Variants in BRCA1 observed in about 807,000 individuals in gnomAD.
BRCA1 encodes BRCA1 DNA repair associated, also known as breast cancer type 1 susceptibility protein.
A neutral mutation model predicts 173.7 loss-of-function variants in BRCA1; 140 were observed. That is an observed-to-expected ratio of 0.81 (90% CI 0.70 to 0.93). The LOEUF (loss-of-function observed/expected upper bound fraction) is 0.93, where lower values mean the gene tolerates loss of function less well. Ranked by LOEUF, BRCA1 falls within the 40% of genes least tolerant of loss-of-function variation. BRCA1 has a pLI of 0.00. For missense variants in BRCA1, 1,983 were observed against 2,172.5 expected (o/e 0.91, Z 1.73); for synonymous variants, 662 against 756.0 (o/e 0.88, Z 2.04).
intron 19 of BRCA1, among the ~76,000 whole-genome samples, chr17:43,053,124 C>A (rs1253814378): frequency 6.6e-6 from 1 of 152,070 alleles, no homozygotes; most frequent in Non-Finnish European, 1.5e-5. Flanking sequence ...GATCCACCCG[C>A]CTCAGGCTCC....
chr17:43,161,179 T>C (rs1202189292), intron 1 of BRCA1: 2 of 152,234 alleles, frequency 1.3e-5, no homozygotes, highest in African/African-American at 4.8e-5. Flanking sequence ...ATAGATAGCA[T>C]TTCTCATCTG....
chr17:43,095,794 A>ATCTACCCACTCTCTTTTCAGTGCCTG, intron 9 of BRCA1, 52 bp downstream of exon 9: 1 of 1,418,340 alleles, frequency 7.1e-7, no homozygotes, highest in Non-Finnish European at 9.9e-7. Flanking sequence ...ACAGTACTGT[A>ATCTACCCACTCTCTTTTCAGTGCCTG]TCTACCCACT....
chr17:43,095,787 G>A (rs2154513042), intron 9 of BRCA1, 59 bp downstream of exon 9: 4 of 1,355,366 alleles, frequency 3.0e-6, no homozygotes, highest in African/African-American at 1.4e-5. Context: ...TCTAATTACA[G>A]TACTGTATCT....
intron 11 of BRCA1, among the ~76,000 whole-genome samples, chr17:43,086,109 T>TAC (rs376686434): frequency 0.068 from 9,407 of 137,366 alleles, 343 homozygotes; most frequent in African/African-American, 0.11. Context: ...ATCACATACA[T>TAC]ACACACACAC....
intron 3 of BRCA1, among the ~76,000 whole-genome samples, chr17:43,113,602 C>T (rs1567816611): frequency 6.6e-6 from 1 of 151,736 alleles, no homozygotes; most frequent in East Asian, 2.0e-4. Context: ...TTCCTGACCT[C>T]GTGATCCGCC....
In BRCA1 at chr17:43,092,415, GC is replaced by G. The variant is rs886040098; in HGVS notation, c.3115del (p.Ala1039ProfsTer9). 6.2e-7 allele frequency: 1 copy of G among 1,613,746 alleles called. No homozygotes were observed. The highest frequency in any genetic ancestry group is 8.5e-7 in the Non-Finnish European group (1 of 1,179,954). Reference sequence around the variant, plus strand: ...TACTTCATTAATATTGCTTGAGCTGGCTTCTTTAAAAACATTTTCTCTAATG... The same window carrying G: ...TACTTCATTAATATTGCTTGAGCTGGTTCTTTAAAAACATTTTCTCTAATG... ...NNIRENVFKEASSSNINEVGS... is the reference protein window; with the variant it reads ...NNIRENVFKEXSSSNINEVGS... On this transcript the variant is annotated frameshift_variant, in exon 10 of 23. Coordinates refer to ENST00000357654, the MANE Select transcript of BRCA1 (RefSeq NM_007294.4). LOFTEE classifies it high-confidence loss of function.
rs2053471401 is a variant in BRCA1, at chr17:43,091,451, G to A, written c.4080C>T (p.Ser1360=). The change falls in exon 10 of 23, where the codon AGC becomes AGT. Residue 1360 remains serine, a synonymous_variant. Coordinates refer to ENST00000357654, the MANE Select transcript of BRCA1 (RefSeq NM_007294.4). The stretch of plus-strand genomic sequence containing the variant: ...TTCCAATACCTAAGTTTGAATCCAT[G>A]CTTTGCTCTTCTTGATTATTTTCTT... ...GLEENNQEEQ[S]MDSNLGEAAS... is the part of the protein sequence containing the mutation. The A allele has an allele frequency of 6.2e-7, 1 of 1,613,738 alleles. No homozygotes were observed. The highest frequency in any genetic ancestry group is 8.5e-7 in the Non-Finnish European group (1 of 1,179,928).
At position 43,096,376 on chromosome 17, in the gene BRCA1, C is replaced by CAA. The variant is rs71160005; in HGVS notation, c.594-456_594-455dup. Among the ~76,000 whole-genome samples, 86 of 74,188 alleles carry CAA rather than the reference C, an allele frequency of 1.2e-3. 1 individual carries two copies. The highest frequency in any genetic ancestry group is 6.0e-3 in the Admixed American group (35 of 5,802). The allele number at this position is 74,188 out of a possible 152,430, so 48.7% of individuals were successfully genotyped here. A position where few individuals can be genotyped will look rare whatever the true frequency, so the allele number is the denominator to read the frequency against. On this transcript the variant is annotated intron_variant, in intron 8 of 22. Transcript: ENST00000357654. Reference sequence around the variant, plus strand: ...TGGGCAACAGAGCAAGACTCTGTCTCAAAAAAAAAAAAAAAAAAGAGAGAA... The same window carrying CAA: ...TGGGCAACAGAGCAAGACTCTGTCTCAAAAAAAAAAAAAAAAAAAAGAGAGAA...
intron 7 of BRCA1, among the ~76,000 whole-genome samples, chr17:43,098,983 A>AT (rs577010874): frequency 0.028 from 3,634 of 130,482 alleles, 126 homozygotes; most frequent in African/African-American, 0.083. Context: ...ACCCCGGCTA[A>AT]TTTTTTTTTT....
At position 43,094,524 on chromosome 17, in the gene BRCA1, G is replaced by A. The variant is rs1597878639; in HGVS notation, c.1007C>T (p.Thr336Ile). The change falls in exon 10 of 23, where the codon ACA becomes ATA. Residue 336 changes from threonine to isoleucine, a missense_variant. By Grantham distance (89) the Thr-to-Ile change is moderately conservative. Coordinates refer to ENST00000357654, the MANE Select transcript of BRCA1 (RefSeq NM_007294.4). The part of the protein sequence containing the change: ...ETCNDRRTPS[T>I]EKKVDLNADP... ...AGCATTCAGATCTACCTTTTTTTCT[G>A]TGCTGGGAGTCCGCCTATCATTACA... is the stretch of plus-strand genomic sequence containing the variant. 1 of 1,613,348 alleles carries A rather than the reference G, an allele frequency of 6.2e-7. No individual in the cohort carries two copies. The highest frequency in any genetic ancestry group is 1.1e-5 in the South Asian group (1 of 91,038).
At chr17:43,118,430 G>A (rs2055395386) in intron 2 of BRCA1, among the ~76,000 whole-genome samples, 2 of 151,272 alleles carry the variant, frequency 1.3e-5, no homozygotes, top group Admixed American at 6.6e-5. Flanking sequence ...AGGCTGGAGT[G>A]CAGTGGCACC....
chr17:43,134,989 C>T (rs1266573222), intron 1 of BRCA1, among the ~76,000 whole-genome samples: 2 of 152,232 alleles, frequency 1.3e-5, no homozygotes, highest in Admixed American at 6.5e-5. Context: ...AGACTATTGG[C>T]CCCAATTCCT....
chr17:43,112,484 T>C (rs2055080253), intron 3 of BRCA1: 1 of 152,182 alleles, frequency 6.6e-6, no homozygotes, highest in African/African-American at 2.4e-5. Context: ...AAATGCCATG[T>C]ACCTGTAGTC....
intron 22 of BRCA1, among the ~76,000 whole-genome samples, chr17:43,046,769 A>C (rs892592060): frequency 6.6e-6 from 1 of 151,704 alleles, no homozygotes; most frequent in Non-Finnish European, 1.5e-5. Context: ...AAAAAAAAAA[A>C]AAAAGGCAAT....
At chr17:43,122,280 TACTC>T (rs1274919564) in intron 2 of BRCA1, among the ~76,000 whole-genome samples, 8 of 152,240 alleles carry the variant, frequency 5.3e-5, no homozygotes, top group Admixed American at 5.2e-4. Context: ...TTTTGAATGT[TACTC>T]ACTACTAACC....
intron 18 of BRCA1, among the ~76,000 whole-genome samples, chr17:43,057,892 C>T (rs1162665366): frequency 2.0e-5 from 3 of 151,552 alleles, no homozygotes; most frequent in African/African-American, 7.3e-5. Context: ...TGGTGGCATG[C>T]ACCTGTAGTC....
chr17:43,146,299 C>CT (rs774223347), intron 1 of BRCA1, among the ~76,000 whole-genome samples: 977 of 76,124 alleles, frequency 0.013, 98 homozygotes, highest in African/African-American at 0.029. Context: ...ATTTTTGTTA[C>CT]TTTTTTTTTT....
In BRCA1 at chr17:43,051,162, G is replaced by A. The variant is rs776854280; in HGVS notation, c.5278-45C>T. 9.1e-6 allele frequency: 14 copies of A among 1,531,974 alleles called. No individual in the cohort carries two copies. In the East Asian group the frequency reaches 2.9e-4, roughly 32 times the overall value. The allele number at this position is 1,531,974 out of a possible 1,614,324, so 94.9% of individuals were successfully genotyped here. A position where few individuals can be genotyped will look rare whatever the true frequency, so the allele number is the denominator to read the frequency against. The stretch of plus-strand genomic sequence containing the variant: ...GAGAGGGACAGGGGAATGGAGAGAA[G>A]GAAAATCTAGTTATAAAAGAATATT... On this transcript the variant is annotated intron_variant, in intron 19 of 22. Transcript: ENST00000357654.
chr17:43,158,603 TACTC>T (rs1159230961), intron 1 of BRCA1, among the ~76,000 whole-genome samples: 10 of 152,256 alleles, frequency 6.6e-5, no homozygotes, highest in Non-Finnish European at 1.5e-4. Flanking sequence ...TTTTGAATGT[TACTC>T]ACTATTAACC....
Sources: allele counts gnomAD v4.1 joint callset (sites outside exome capture counted in the v4.1 genomes callset), GRCh38; gene constraint gnomAD v4.1.1; transcripts MANE v1.5; gene names NCBI Gene and HGNC (gene_info 2026-07-23, HGNC 2026-07-21).